The following FAM120C variants were observed in gnomAD, a reference collection of about 807,000 sequenced individuals.
FAM120C encodes the protein family with sequence similarity 120 member C, also known as constitutive coactivator of PPAR-gamma-like protein 2.
Under a neutral mutation model 71.2 loss-of-function variants are expected in FAM120C, and 14 were observed. That is an observed-to-expected ratio of 0.20 (90% CI 0.13 to 0.31). The LOEUF (loss-of-function observed/expected upper bound fraction) is 0.31, where lower values mean the gene tolerates loss of function less well. Ranked by LOEUF, FAM120C falls within the 10% of genes least tolerant of loss-of-function variation. FAM120C has a pLI of 1.00. For synonymous variants in FAM120C, 354 were observed against 353.2 expected (o/e 1.00, Z -0.03); for missense variants, 500 against 879.0 (o/e 0.57, Z 5.45).
chrX:54,148,602 G>A (rs948656138), intron 4 of FAM120C, among the ~76,000 whole-genome samples: 7 of 111,741 alleles, frequency 6.3e-5, no homozygotes, highest in Non-Finnish European at 9.4e-5. Context: ...AGCAGAGGTC[G>A]TGCGACTACA....
At chrX:54,097,337 C>T (rs781983467) in intron 10 of FAM120C, among the ~76,000 whole-genome samples, 1 of 111,922 alleles carries the variant, frequency 8.9e-6, no homozygotes, top group Non-Finnish European at 1.9e-5. Flanking sequence ...TATACCTTTA[C>T]AGTAAGATAG....
intron 9 of FAM120C, among the ~76,000 whole-genome samples, chrX:54,129,400 C>A (rs1309443531): frequency 9.7e-6 from 1 of 103,168 alleles, no homozygotes; most frequent in African/African-American, 3.6e-5. Context: ...GGGCAGAGGC[C>A]CTCCCCACAT....
At chrX:54,146,456 G>C (rs1176930124) in intron 4 of FAM120C, among the ~76,000 whole-genome samples, 1 of 111,738 alleles carries the variant, frequency 8.9e-6, no homozygotes, top group African/African-American at 3.2e-5. Context: ...CAAAACAGGA[G>C]GATTGCTTGA....
rs2066714580 is a variant in FAM120C, at chrX:54,072,311, A to ATG, written c.*720_*721dup. On this transcript the variant is annotated 3_prime_UTR_variant, in exon 16 of 16. Transcript: ENST00000375180. ...TGCCACATCTTCTATTTTACAAACA[A>ATG]TGCACTGGTTGAGAGGCAGGAAAAA... 1 of 110,005 alleles carries ATG rather than the reference A, an allele frequency of 9.1e-6. No homozygotes were observed. Among genetic ancestry groups the ATG allele is most frequent in the African/African-American group, 3.3e-5 (1 of 30,156 alleles). The allele number at this position is 110,005 out of a possible 1,213,427, so 9.1% of individuals were successfully genotyped here.
chrX:54,117,717 C>A (rs1272245672), intron 9 of FAM120C, among the ~76,000 whole-genome samples: 1 of 108,532 alleles, frequency 9.2e-6, no homozygotes, highest in Admixed American at 1.0e-4. Flanking sequence ...CAAAAAAAAA[C>A]AAAAAGTAAC....
intron 1 of FAM120C, among the ~76,000 whole-genome samples, chrX:54,177,713 TTTAA>T (rs1329213260): frequency 2.7e-5 from 3 of 111,563 alleles, no homozygotes; most frequent in East Asian, 2.8e-4. Flanking sequence ...ATCATCAGAA[TTTAA>T]TTAATACTTA....
In FAM120C at chrX:54,175,935, T is replaced by C. The variant is rs781900314; in HGVS notation, c.699+6565A>G. On this transcript the variant is annotated intron_variant, in intron 1 of 15. Transcript: ENST00000375180. Reference sequence around the variant, plus strand: ...GCCATTATGCTACACAAACTAAATATAGGAAAAAATGTTCTAGAAAAAGTT... The same window carrying C: ...GCCATTATGCTACACAAACTAAATACAGGAAAAAATGTTCTAGAAAAAGTT... Among the ~76,000 whole-genome samples, 10 of 111,294 alleles carry C rather than the reference T, an allele frequency of 9.0e-5. No homozygotes were observed. In the South Asian group the frequency reaches 3.8e-3, roughly 42 times the overall value.
At chrX:54,145,475 C>T (rs1315615436) in intron 4 of FAM120C, among the ~76,000 whole-genome samples, 1 of 111,872 alleles carries the variant, frequency 8.9e-6, no homozygotes, top group African/African-American at 3.2e-5. Context: ...AATCAAACAA[C>T]CCCATCAAAA....
At chrX:54,138,495 C>A (rs868915266) in intron 4 of FAM120C, among the ~76,000 whole-genome samples, 277 of 40,751 alleles carry the variant, frequency 6.8e-3, no homozygotes, top group African/African-American at 0.012. Flanking sequence ...GACACTGTCT[C>A]AAAAAAAAAA....
rs188145405 is a variant in FAM120C, at chrX:54,116,622, A to G, written c.2235T>C (p.Cys745=). The G allele has an allele frequency of 1.7e-5, 21 of 1,210,106 alleles. No homozygotes were observed. The East Asian group carries it at 5.6e-4, about 32-fold the overall frequency. ...KNRRMRAFLA[C]MKSDTPSMLN... Reference sequence around the variant, plus strand: ...GCATACTGGGCGTGTCCGACTTCATACAGGCCAGGAAGGCCCGCATCCTTC... The same window carrying G: ...GCATACTGGGCGTGTCCGACTTCATGCAGGCCAGGAAGGCCCGCATCCTTC... Residue 745 remains cysteine (C), a synonymous_variant, in exon 10 of 16, where the codon TGT becomes TGC. Coordinates refer to ENST00000375180, the MANE Select transcript of FAM120C (RefSeq NM_017848.6).
At chrX:54,077,794 TTTC>T (rs1164047094) in intron 15 of FAM120C, among the ~76,000 whole-genome samples, 2 of 111,110 alleles carry the variant, frequency 1.8e-5, no homozygotes, top group Admixed American at 9.7e-5. Flanking sequence ...GTGATAACTA[TTTC>T]TTATCATAAA....
At chrX:54,104,791 G>A (rs781976733) in intron 10 of FAM120C, among the ~76,000 whole-genome samples, 1 of 108,141 alleles carries the variant, frequency 9.2e-6, no homozygotes, top group Non-Finnish European at 1.9e-5. Flanking sequence ...CTGGGCAACC[G>A]AGCGAGACTC....
At chrX:54,167,306 C>T (rs935287839) in intron 1 of FAM120C, among the ~76,000 whole-genome samples, 2 of 111,960 alleles carry the variant, frequency 1.8e-5, no homozygotes, top group Admixed American at 9.5e-5. Context: ...CACCTGTAAG[C>T]GCCTGGCCCA....
chrX:54,113,620 G>T (rs2066950140), intron 10 of FAM120C, among the ~76,000 whole-genome samples: 1 of 108,435 alleles, frequency 9.2e-6, no homozygotes, highest in Admixed American at 9.9e-5. Context: ...CAACAAAAAT[G>T]CCTGCACCAG....
At chrX:54,139,081 C>T (rs1389403479) in intron 4 of FAM120C, among the ~76,000 whole-genome samples, 2 of 110,785 alleles carry the variant, frequency 1.8e-5, no homozygotes, top group African/African-American at 6.5e-5. Flanking sequence ...TTATGTAGGT[C>T]TTCTGGGTTA....
At chrX:54,180,784 T>C (rs960497549) in intron 1 of FAM120C, among the ~76,000 whole-genome samples, 8 of 111,581 alleles carry the variant, frequency 7.2e-5, no homozygotes, top group Admixed American at 3.8e-4. Flanking sequence ...ACTGCTTTCA[T>C]AGGTTATTGC....
At chrX:54,129,424 C>T (rs1162445902) in intron 9 of FAM120C, among the ~76,000 whole-genome samples, 1 of 107,536 alleles carries the variant, frequency 9.3e-6, no homozygotes. Context: ...AGATGATGGG[C>T]GGCCGGGCAG....
intron 10 of FAM120C, among the ~76,000 whole-genome samples, chrX:54,100,204 G>A (rs2066874984): frequency 2.7e-5 from 3 of 110,327 alleles, no homozygotes; most frequent in African/African-American, 9.9e-5. Context: ...AAATTAGCTG[G>A]CCATGGGTTG....
At chrX:54,127,973 C>A (rs1048567010) in intron 9 of FAM120C, among the ~76,000 whole-genome samples, 1 of 110,649 alleles carries the variant, frequency 9.0e-6, no homozygotes, top group Non-Finnish European at 1.9e-5. Context: ...AATGGTAGTT[C>A]GTTTTTTAGT....
Sources: allele counts gnomAD v4.1 joint callset (sites outside exome capture counted in the v4.1 genomes callset), GRCh38; gene constraint gnomAD v4.1.1; transcripts MANE v1.5; gene names NCBI Gene and HGNC (gene_info 2026-07-23, HGNC 2026-07-21).